HEY2: variants seen among roughly 807,000 people sequenced by gnomAD.
The protein encoded by HEY2 is hes related family bHLH transcription factor with YRPW motif 2, also known as hairy/enhancer-of-split related with YRPW motif protein 2.
A neutral mutation model predicts 18.1 loss-of-function variants in HEY2; 10 were observed. That is an observed-to-expected ratio of 0.55 (90% CI 0.34 to 0.94). The LOEUF is 0.94. HEY2 is among the 40% of genes least tolerant of loss of function. HEY2 has a pLI of 0.02. For synonymous variants in HEY2, 210 were observed against 182.7 expected (o/e 1.15, Z -1.21); for missense variants, 455 against 455.9 (o/e 1.00, Z 0.02).
At position 125,751,887 on chromosome 6, in the gene HEY2, A is replaced by AT. The variant is rs763412765; in HGVS notation, c.162+13dup. ...AGAAAGAAAAGGAGAGGGGTATGTG[A>AT]TTTTTCCCCCTTTTTATTTCATGTA... On this transcript the variant is annotated intron_variant, in intron 2 of 4. Coordinates refer to ENST00000368364, the MANE Select transcript of HEY2 (RefSeq NM_012259.3). 33 of 1,608,226 alleles carry AT rather than the reference A, an allele frequency of 2.1e-5. No homozygotes were observed. Among genetic ancestry groups the AT allele is most frequent in the African/African-American group, 2.7e-5 (2 of 74,732 alleles).
At chr6:125,758,786 G>C (rs13193692) in intron 4 of HEY2, among the ~76,000 whole-genome samples, 1 of 152,092 alleles carries the variant, frequency 6.6e-6, no homozygotes, top group African/African-American at 2.4e-5. Flanking sequence ...CAAAGGGAGA[G>C]ACCCCATTTC....
intron 3 of HEY2, among the ~76,000 whole-genome samples, chr6:125,752,574 G>C (rs1773575082): frequency 6.6e-6 from 1 of 151,918 alleles, no homozygotes; most frequent in Admixed American, 6.6e-5. Flanking sequence ...CAAGCCATTT[G>C]CTTTCATTTT....
chr6:125,754,885 C>G (rs1773625699), intron 4 of HEY2, among the ~76,000 whole-genome samples: 1 of 152,182 alleles, frequency 6.6e-6, no homozygotes, highest in Admixed American at 6.5e-5. Flanking sequence ...AACAAACACA[C>G]AAACATCCAA....
In HEY2 at chr6:125,759,137, C is replaced by G. The variant is rs767030135; in HGVS notation, c.349C>G (p.Leu117Val). The change falls in exon 5 of 5, where the codon CTT becomes GTT. Residue 117 changes from leucine (L) to valine (V), a missense_variant. Transcript: ENST00000368364. ...GGKGYFDAHA[L>V]AMDFMSIGFR... is the part of the protein sequence containing the mutation. ...TTTAGGCTACTTTGACGCACACGCT[C>G]TTGCCATGGACTTCATGAGCATAGG... The G allele has an allele frequency of 5.6e-6, 9 of 1,607,210 alleles. No homozygotes were observed. Among genetic ancestry groups the G allele is most frequent in the African/African-American group, 2.7e-5 (2 of 74,792 alleles).
At chr6:125,752,117 C>G (rs201888758) in intron 3 of HEY2, 27 bp downstream of exon 3, 1 of 1,373,166 alleles carries the variant, frequency 7.3e-7, no homozygotes, top group Non-Finnish European at 1.0e-6. Context: ...CCAGAATCCC[C>G]CCACCCACCC....
At chr6:125,757,046 A>G (rs1773675397) in intron 4 of HEY2, among the ~76,000 whole-genome samples, 1 of 152,218 alleles carries the variant, frequency 6.6e-6, no homozygotes, top group South Asian at 2.1e-4. Context: ...ACAAATTTCA[A>G]TTACTTCATG....
intron 3 of HEY2, among the ~76,000 whole-genome samples, chr6:125,752,883 T>C (rs1400582901): frequency 6.6e-6 from 1 of 152,212 alleles, no homozygotes; most frequent in Non-Finnish European, 1.5e-5. Flanking sequence ...TTAATTCCAA[T>C]AAGACAACAG....
At chr6:125,753,970 C>A (rs2128528698) in intron 3 of HEY2, among the ~76,000 whole-genome samples, 1 of 152,184 alleles carries the variant, frequency 6.6e-6, no homozygotes, top group South Asian at 2.1e-4. Flanking sequence ...ACTTAGTAGG[C>A]CTGTGAAAGG....
rs760509987 is a variant in HEY2 at position 125,759,682 on chromosome 6, C to G, written c.894C>G (p.Ala298=). Residue 298 remains alanine (A), a synonymous_variant, in exon 5 of 5, where the codon GCC becomes GCG. Coordinates refer to ENST00000368364, the MANE Select transcript of HEY2 (RefSeq NM_012259.3). ...CCCCAAACGCAGCAGCAGCAGTGGC[C>G]GCGGCCACAGCCATCAGCCCGCCCT... ...MLPPNAAAAV[A]AATAISPPLS... is the part of the protein sequence containing the mutation. 5.0e-6 allele frequency: 8 copies of G among 1,612,452 alleles called. No individual in the cohort carries two copies. The South Asian group carries it at 8.8e-5, about 18-fold the overall frequency.
At chr6:125,756,877 G>A (rs1160945609) in intron 4 of HEY2, among the ~76,000 whole-genome samples, 1 of 151,964 alleles carries the variant, frequency 6.6e-6, no homozygotes, top group Non-Finnish European at 1.5e-5. Context: ...GAGTGGTATG[G>A]ACATGTATGT....
At chr6:125,756,993 T>A (rs1344367809) in intron 4 of HEY2, among the ~76,000 whole-genome samples, 3 of 152,184 alleles carry the variant, frequency 2.0e-5, no homozygotes, top group Non-Finnish European at 4.4e-5. Flanking sequence ...CTTTAAGATA[T>A]AACAGAGAGC....
In HEY2 at chr6:125,752,098, A is replaced by T. The variant is rs112677723; in HGVS notation, c.246+8A>T. The T allele has an allele frequency of 2.3e-3, 3,681 of 1,595,236 alleles. 78 individuals are homozygous for T. In the African/African-American group the frequency reaches 0.044, roughly 19 times the overall value. Reference sequence around the variant, plus strand: ...ACTGCTTTTGAAAAACAAGTAAGCTATCCCCTCCCCAGAATCCCCCCACCC... The same window carrying T: ...ACTGCTTTTGAAAAACAAGTAAGCTTTCCCCTCCCCAGAATCCCCCCACCC... On this transcript the variant is annotated splice_region_variant and intron_variant, in intron 3 of 4. Coordinates refer to ENST00000368364, the MANE Select transcript of HEY2 (RefSeq NM_012259.3).
In HEY2 at chr6:125,759,830, A is replaced by G; in HGVS notation, c.*28A>G. The G allele has an allele frequency of 6.3e-7, 1 of 1,579,166 alleles. No homozygotes were observed. The highest frequency in any genetic ancestry group is 8.7e-7 in the Non-Finnish European group (1 of 1,150,424). The stretch of plus-strand genomic sequence containing the variant: ...TTTTCTTGAACTTCTTGCAATAGTA[A>G]CTGAATGTCCTCCATTTCAGAGTCA... On this transcript the variant is annotated 3_prime_UTR_variant, in exon 5 of 5. Coordinates refer to ENST00000368364, the MANE Select transcript of HEY2 (RefSeq NM_012259.3).
intron 4 of HEY2, 100 bp downstream of exon 4, chr6:125,754,646 T>C: frequency 1.8e-6 from 1 of 568,996 alleles, no homozygotes; most frequent in South Asian, 3.9e-5. Flanking sequence ...GCTGAACAGT[T>C]CTTTAACAAG....
Position 125,759,767 on chromosome 6 carries a change from T to C in HEY2, c.979T>C (p.Tyr327His), listed in dbSNP as rs1465031285. The C allele has an allele frequency of 6.2e-7, 1 of 1,613,722 alleles. No homozygotes were observed. Among genetic ancestry groups the C allele is most frequent in the African/African-American group, 1.3e-5 (1 of 74,888 alleles). The change falls in exon 5 of 5, where the codon TAC (tyrosine) becomes CAC (histidine). Residue 327 changes from tyrosine (Y) to histidine (H), a missense_variant. By Grantham distance (83) the Tyr-to-His change is moderately conservative. Transcript: ENST00000368364. ...CAGCAGTGGAACAAACAATAAACCTTACCGACCCTGGGGGACAGAAGTTGG... is the reference window on the plus strand; with the variant it reads ...CAGCAGTGGAACAAACAATAAACCTCACCGACCCTGGGGGACAGAAGTTGG... Reference protein sequence around the residue: ...QTSSGTNNKPYRPWGTEVGAF With the variant: ...QTSSGTNNKPHRPWGTEVGAF
At chr6:125,751,712 A>C in intron 1 of HEY2, 89 bp from the exon 2 acceptor site, 1 of 830,528 alleles carries the variant, frequency 1.2e-6, no homozygotes, top group Non-Finnish European at 2.0e-6. Flanking sequence ...CTGTGCAATC[A>C]CTCTGAATAT....
intron 3 of HEY2, among the ~76,000 whole-genome samples, chr6:125,753,268 T>C (rs1379868040): frequency 6.6e-6 from 1 of 152,240 alleles, no homozygotes; most frequent in Non-Finnish European, 1.5e-5. Context: ...TCTGCAGTTA[T>C]GAGGCGAAGT....
In HEY2 at chr6:125,759,597, C is replaced by T; in HGVS notation, c.809C>T (p.Ala270Val). 6.2e-7 allele frequency: 1 copy of T among 1,610,514 alleles called. No individual in the cohort carries two copies. Among genetic ancestry groups the T allele is most frequent in the South Asian group, 1.1e-5 (1 of 91,044 alleles). Reference protein sequence around the residue: ...LSATVHAAAAAATAAAHSFPL... With the variant: ...LSATVHAAAAVATAAAHSFPL... ...GCCACCGTCCACGCCGCAGCCGCAG[C>T]AGCCACCGCGGCTGCACACAGCTTC... Residue 270 changes from alanine (A) to valine (V), a missense_variant, in exon 5 of 5, where the codon GCA (alanine) becomes GTA (valine). Coordinates refer to ENST00000368364, the MANE Select transcript of HEY2 (RefSeq NM_012259.3).
intron 1 of HEY2, chr6:125,750,287 G>A: frequency 1.0e-6 from 1 of 985,290 alleles, no homozygotes; most frequent in Non-Finnish European, 1.2e-6. Flanking sequence ...CTTGATTTTT[G>A]GAGGAATTAA....
Sources: gnomAD v4.1 joint callset for allele counts (sites outside exome capture counted in the v4.1 genomes callset) on GRCh38, gnomAD v4.1.1 for gene constraint, MANE v1.5 for transcripts, NCBI Gene and HGNC (gene_info 2026-07-23, HGNC 2026-07-21) for gene names.